The following SLIT3 variants were observed in gnomAD, a reference collection of about 807,000 sequenced individuals.
The protein encoded by SLIT3 is slit guidance ligand 3.
SLIT3 carries 68 observed loss-of-function variants against 184.0 expected under a neutral mutation model. The ratio of observed to expected loss-of-function variants is 0.37; its 90% confidence interval spans 0.30 to 0.45. The LOEUF (loss-of-function observed/expected upper bound fraction) is 0.45, where lower values mean the gene tolerates loss of function less well. Among genes scored for constraint, SLIT3 ranks in the 20% least tolerant of loss-of-function variants. SLIT3 has a pLI of 1.00. For synonymous variants in SLIT3, 831 were observed against 828.6 expected (o/e 1.00, Z -0.05); for missense variants, 1,707 against 2,026.0 (o/e 0.84, Z 3.02).
intron 3 of SLIT3, among the ~76,000 whole-genome samples, chr5:169,224,534 A>C (rs1254348330): frequency 6.6e-6 from 1 of 151,874 alleles, no homozygotes; most frequent in Non-Finnish European, 1.5e-5. Context: ...CACGTGGCTA[A>C]CCTTTTGTAT....
intron 4 of SLIT3, among the ~76,000 whole-genome samples, chr5:169,145,884 C>A (rs1484082655): frequency 2.0e-5 from 3 of 152,176 alleles, no homozygotes; most frequent in South Asian, 4.1e-4. Flanking sequence ...CCCATCTCTA[C>A]TAAAAATACA....
intron 4 of SLIT3, among the ~76,000 whole-genome samples, chr5:169,070,797 C>CAAAAA (rs34764320): frequency 8.6e-6 from 1 of 116,036 alleles, no homozygotes; most frequent in African/African-American, 3.1e-5. Context: ...ACATTTTCCT[C>CAAAAA]AAAAAAAAAA....
intron 4 of SLIT3, among the ~76,000 whole-genome samples, chr5:169,148,987 G>A (rs772408044): frequency 3.3e-5 from 5 of 152,090 alleles, no homozygotes; most frequent in Non-Finnish European, 5.9e-5. Context: ...AAGCAGTATC[G>A]TTATTCCCAT....
At chr5:168,751,152 T>C (rs376130621) in intron 18 of SLIT3, among the ~76,000 whole-genome samples, 8 of 151,628 alleles carry the variant, frequency 5.3e-5, no homozygotes, top group African/African-American at 1.9e-4. Flanking sequence ...GGAGCTAGAA[T>C]GGAGAGAGGG....
intron 5 of SLIT3, among the ~76,000 whole-genome samples, chr5:168,866,199 G>A (rs934227089): frequency 1.3e-5 from 2 of 152,182 alleles, no homozygotes; most frequent in African/African-American, 4.8e-5. Flanking sequence ...GCTGAAAGCC[G>A]GGCCAGACTC....
intron 4 of SLIT3, among the ~76,000 whole-genome samples, chr5:169,157,791 G>A (rs1762358736): frequency 6.6e-6 from 1 of 152,026 alleles, no homozygotes; most frequent in South Asian, 2.1e-4. Flanking sequence ...GAACATGTTT[G>A]ATAGAAATGA....
chr5:169,297,946 T>C (rs1226574729), intron 1 of SLIT3, among the ~76,000 whole-genome samples: 1 of 152,256 alleles, frequency 6.6e-6, no homozygotes, highest in East Asian at 1.9e-4. Context: ...AAATGAGTGA[T>C]TCCTCTGAAG....
chr5:168,749,280 G>A (rs1306197583), intron 19 of SLIT3, among the ~76,000 whole-genome samples, 192 bp downstream of exon 19: 2 of 152,222 alleles, frequency 1.3e-5, no homozygotes, highest in Non-Finnish European at 2.9e-5. Context: ...CTGCTGAAAT[G>A]GGCACCTTTT....
intron 3 of SLIT3, among the ~76,000 whole-genome samples, chr5:169,240,735 T>C (rs7722740): frequency 0.5 from 75,447 of 151,208 alleles, 19,050 homozygotes; most frequent in Middle Eastern, 0.53. Context: ...GGTAATATGA[T>C]ATATTCATGT....
intron 9 of SLIT3, among the ~76,000 whole-genome samples, chr5:168,798,986 C>A (rs957478920): frequency 6.6e-6 from 1 of 152,192 alleles, no homozygotes; most frequent in African/African-American, 2.4e-5. Context: ...GACTTCAAAG[C>A]CCAGACTCTC....
chr5:169,130,299 A>T (rs1761248978), intron 4 of SLIT3, among the ~76,000 whole-genome samples: 1 of 152,240 alleles, frequency 6.6e-6, no homozygotes, highest in Non-Finnish European at 1.5e-5. Context: ...TTTAAACAAA[A>T]GTCATGACCT....
At chr5:169,260,254 A>G (rs1766115987) in intron 1 of SLIT3, among the ~76,000 whole-genome samples, 1 of 152,162 alleles carries the variant, frequency 6.6e-6, no homozygotes, top group Non-Finnish European at 1.5e-5. Flanking sequence ...CTGACCCTTC[A>G]TTTACCACCA....
intron 4 of SLIT3, among the ~76,000 whole-genome samples, chr5:169,183,634 A>G (rs1033503267): frequency 2.0e-5 from 3 of 152,256 alleles, no homozygotes; most frequent in Non-Finnish European, 4.4e-5. Context: ...AGGCCCACCA[A>G]GTAAACCAGC....
intron 4 of SLIT3, among the ~76,000 whole-genome samples, chr5:169,063,923 T>A (rs191777852): frequency 8.5e-5 from 13 of 152,370 alleles, no homozygotes; most frequent in Admixed American, 3.3e-4. Flanking sequence ...AAATGCCGTA[T>A]TTATGCATGA....
At chr5:168,959,226 G>T (rs775111859) in intron 4 of SLIT3, among the ~76,000 whole-genome samples, 1 of 152,238 alleles carries the variant, frequency 6.6e-6, no homozygotes, top group Non-Finnish European at 1.5e-5. Context: ...ATGCCAACTT[G>T]TGACTTTGTG....
intron 14 of SLIT3, among the ~76,000 whole-genome samples, chr5:168,770,356 G>T (rs1241185989): frequency 6.6e-6 from 1 of 152,186 alleles, no homozygotes; most frequent in African/African-American, 2.4e-5. Context: ...CAATGGGGGT[G>T]CTTTTAGGAA....
intron 33 of SLIT3, among the ~76,000 whole-genome samples, chr5:168,672,610 G>A (rs537840910): frequency 6.6e-6 from 1 of 152,114 alleles, no homozygotes; most frequent in South Asian, 2.1e-4. Flanking sequence ...AAAGTAGCTG[G>A]GACTACAGGT....
chr5:168,687,539 T>C lies in SLIT3; in HGVS notation c.3177-423A>G. On this transcript the variant is annotated intron_variant, in intron 29 of 35. Coordinates refer to ENST00000519560, the MANE Select transcript of SLIT3 (RefSeq NM_003062.4). ...GAAGAAACCAGAGGGCAGAGAGCAC[T>C]GCAGGCACTTCCCTGAGGACCCCCA... 2.6e-5 allele frequency among the ~76,000 whole-genome samples: 4 copies of C among 152,330 alleles called. No homozygotes were observed. In the Middle Eastern group the frequency reaches 0.01, roughly 389 times the overall value.
chr5:169,047,659 G>A (rs187159932), intron 4 of SLIT3, among the ~76,000 whole-genome samples: 10 of 152,018 alleles, frequency 6.6e-5, no homozygotes, highest in Non-Finnish European at 8.8e-5. Flanking sequence ...AAACTCCCCC[G>A]ACTACACTGT....
Sources: allele counts gnomAD v4.1 joint callset (sites outside exome capture counted in the v4.1 genomes callset), GRCh38; gene constraint gnomAD v4.1.1; transcripts MANE v1.5; gene names NCBI Gene and HGNC (gene_info 2026-07-23, HGNC 2026-07-21).